CLYBL: variants seen among roughly 807,000 people sequenced by gnomAD.
CLYBL encodes the protein citramalyl-CoA lyase, mitochondrial.
A neutral mutation model predicts 38.9 loss-of-function variants in CLYBL; 31 were observed. That is an observed-to-expected ratio of 0.80 (90% confidence interval 0.60 to 1.08). The LOEUF (loss-of-function observed/expected upper bound fraction) is 1.08, where lower values mean the gene tolerates loss of function less well. CLYBL is among the 50% of genes least tolerant of loss of function. The pLI, the probability that CLYBL is intolerant of heterozygous loss-of-function variation, is 0.00. For missense variants in CLYBL, 434 were observed against 411.6 expected (o/e 1.05, Z -0.47); for synonymous variants, 171 against 158.6 (o/e 1.08, Z -0.59).
chr13:99,705,532 A>T (rs987997748), intron 1 of CLYBL, among the ~76,000 whole-genome samples: 1 of 151,936 alleles, frequency 6.6e-6, no homozygotes, highest in African/African-American at 2.4e-5. Context: ...GTGAGCCAAG[A>T]TTGTGCCTTT....
chr13:99,641,328 A>T (rs1407007901), intron 1 of CLYBL, among the ~76,000 whole-genome samples: 1 of 152,220 alleles, frequency 6.6e-6, no homozygotes, highest in African/African-American at 2.4e-5. Flanking sequence ...GACATTGTGC[A>T]TCTTCCCATT....
chr13:99,627,886 T>C (rs1264420537), intron 1 of CLYBL, among the ~76,000 whole-genome samples: 2 of 152,248 alleles, frequency 1.3e-5, no homozygotes, highest in African/African-American at 4.8e-5. Flanking sequence ...GAAAGTTAGA[T>C]ATACCTGCAC....
At chr13:99,882,755 C>A (rs753496257) in intron 7 of CLYBL, among the ~76,000 whole-genome samples, 2 of 152,136 alleles carry the variant, frequency 1.3e-5, no homozygotes, top group Non-Finnish European at 2.9e-5. Context: ...GAATTACCCT[C>A]CTCCAATTTT....
chr13:99,727,872 G>C (rs1015715596), intron 1 of CLYBL, among the ~76,000 whole-genome samples: 1 of 152,116 alleles, frequency 6.6e-6, no homozygotes, highest in African/African-American at 2.4e-5. Context: ...GAGGCCAGGA[G>C]TTTCAGACCA....
intron 6 of CLYBL, 54 bp from the exon 7 acceptor site, chr13:99,870,884 G>T: frequency 2.6e-6 from 4 of 1,544,670 alleles, no homozygotes; most frequent in African/African-American, 1.4e-5. Flanking sequence ...GAAACATTTT[G>T]TTTGAACATC....
At chr13:99,634,125 G>A (rs1266121473) in intron 1 of CLYBL, among the ~76,000 whole-genome samples, 2 of 151,990 alleles carry the variant, frequency 1.3e-5, no homozygotes, top group African/African-American at 4.8e-5. Flanking sequence ...AGCTGCCTGA[G>A]AAAAAAAGAA....
rs2049429201 is a variant in CLYBL at position 99,772,959 on chromosome 13, T to C, written c.198T>C (p.Asn66=). 1 of 1,613,598 alleles carries C rather than the reference T, an allele frequency of 6.2e-7. No homozygotes were observed. Among genetic ancestry groups the C allele is most frequent in the African/African-American group, 1.3e-5 (1 of 74,908 alleles). The change falls in exon 2 of 9, where the codon AAT becomes AAC. Residue 66 remains asparagine (N), a synonymous_variant. Transcript: ENST00000339105. ...EKKIKKIPSL[N]VDCAVLDCED... is the part of the protein sequence containing the mutation. The stretch of plus-strand genomic sequence containing the variant: ...AAATAAAGAAGATTCCATCCCTGAA[T>C]GTAGATTGTGCAGTGCTCGACTGTG...
At chr13:99,817,305 G>A (rs907278659) in intron 2 of CLYBL, among the ~76,000 whole-genome samples, 5 of 152,142 alleles carry the variant, frequency 3.3e-5, no homozygotes, top group South Asian at 2.1e-4. Context: ...GAGAGGAGAC[G>A]AAAGGAGAGG....
chr13:99,769,703 T>C (rs2049341793), intron 1 of CLYBL, among the ~76,000 whole-genome samples: 1 of 152,240 alleles, frequency 6.6e-6, no homozygotes, highest in Non-Finnish European at 1.5e-5. Context: ...GTAAGCCATG[T>C]ACACTTTTAA....
intron 3 of CLYBL, among the ~76,000 whole-genome samples, chr13:99,859,744 CTA>C (rs575917739): frequency 2.3e-3 from 349 of 152,270 alleles, no homozygotes; most frequent in Non-Finnish European, 3.1e-3. Context: ...CCTAATTACA[CTA>C]TGATTGTTTT....
intron 1 of CLYBL, among the ~76,000 whole-genome samples, chr13:99,610,373 T>A (rs1475998043): frequency 6.6e-6 from 1 of 152,228 alleles, no homozygotes; most frequent in African/African-American, 2.4e-5. Flanking sequence ...GTATATTTTT[T>A]TGAAAACTGG....
chr13:99,738,536 G>T (rs927358748), intron 1 of CLYBL, among the ~76,000 whole-genome samples: 1 of 152,106 alleles, frequency 6.6e-6, no homozygotes, highest in Non-Finnish European at 1.5e-5. Flanking sequence ...TCTGTTCGTT[G>T]GTCAGTCAGT....
chr13:99,817,440 C>T (rs537841380), intron 2 of CLYBL, among the ~76,000 whole-genome samples: 215 of 151,998 alleles, frequency 1.4e-3, no homozygotes, highest in Admixed American at 3.7e-3. Flanking sequence ...GGGCGGATCA[C>T]GAGGTCAGGA....
rs1298837266 is a variant in CLYBL at position 99,798,347 on chromosome 13, G to GT, written c.249+25339dup. On this transcript the variant is annotated intron_variant, in intron 2 of 8. Transcript: ENST00000339105. The stretch of plus-strand genomic sequence containing the variant: ...GGCCCATGGGATCATGTTTGGGCTC[G>GT]TTCCCCCTCCATCATCTTCACTCAC... Among the ~76,000 whole-genome samples, 5 of 152,244 alleles carry GT rather than the reference G, an allele frequency of 3.3e-5. No homozygotes were observed. The East Asian group carries it at 9.6e-4, about 29-fold the overall frequency.
intron 1 of CLYBL, among the ~76,000 whole-genome samples, chr13:99,623,755 C>T (rs537478401): frequency 2.6e-5 from 4 of 151,792 alleles, no homozygotes; most frequent in Non-Finnish European, 2.9e-5. Context: ...GTCAGGAGAT[C>T]GAGACTATCC....
downstream of CLYBL, chr13:99,893,211 C>T (rs558912168): frequency 5.2e-5 from 8 of 152,442 alleles, no homozygotes; most frequent in South Asian, 2.1e-4. Flanking sequence ...GATGGCATCT[C>T]GCCAACTTCA....
chr13:99,646,632 C>G (rs1358878560), intron 1 of CLYBL, among the ~76,000 whole-genome samples: 1 of 150,948 alleles, frequency 6.6e-6, no homozygotes, highest in Non-Finnish European at 1.5e-5. Flanking sequence ...TCTGCCTCAG[C>G]CTCCTGAATA....
intron 1 of CLYBL, among the ~76,000 whole-genome samples, chr13:99,710,480 T>C (rs2048213694): frequency 6.6e-6 from 1 of 152,204 alleles, no homozygotes; most frequent in Admixed American, 6.5e-5. Context: ...GTCCTTGTCA[T>C]TGAGACTTAT....
In CLYBL at chr13:99,863,155, G is replaced by A. The variant is rs946644683; in HGVS notation, c.540+63G>A. On this transcript the variant is annotated intron_variant, in intron 4 of 8. Transcript: ENST00000339105. ...TATTTATCACCTAAAGAGAACTTTT[G>A]CTTTCAATTTTAACATCTTCTTAAA... is the stretch of plus-strand genomic sequence containing the variant. The A allele has an allele frequency of 1.1e-5, 9 of 840,018 alleles. No individual in the cohort carries two copies. The African/African-American group carries it at 1.4e-4, about 13-fold the overall frequency. 52.0% of individuals were successfully genotyped at this position (840,018 alleles called of 1,614,324 possible). A position where few individuals can be genotyped will look rare whatever the true frequency, so the allele number is the denominator to read the frequency against.
Sources: allele counts gnomAD v4.1 joint callset (sites outside exome capture counted in the v4.1 genomes callset), GRCh38; gene constraint gnomAD v4.1.1; transcripts MANE v1.5; gene names NCBI Gene and HGNC (gene_info 2026-07-23, HGNC 2026-07-21).